RGL1: variants seen among roughly 807,000 people sequenced by gnomAD.
RGL1 encodes the protein ral guanine nucleotide dissociation stimulator-like 1.
In RGL1, 24 loss-of-function variants were observed where a neutral mutation model predicts 95.2. That is an observed-to-expected ratio of 0.25 (90% CI 0.18 to 0.35). The LOEUF is 0.35. RGL1 is among the 10% of genes least tolerant of loss of function. The probability of loss-of-function intolerance (pLI) is 1.00; values close to 1 mark genes in which losing one functional copy is unlikely to be tolerated. For missense variants in RGL1, 715 were observed against 936.3 expected, an observed-to-expected ratio of 0.76 and a Z score of 3.08; for synonymous variants, 329 against 344.9, an observed-to-expected ratio of 0.95 and a Z score of 0.51.
In RGL1 at chr1:183,888,600, T is replaced by C. The variant is rs370656111; in HGVS notation, c.1055+23T>C. On this transcript the variant is annotated intron_variant, in intron 8 of 17. Coordinates refer to ENST00000360851, the MANE Select transcript of RGL1 (RefSeq NM_001297671.3). Reference sequence around the variant, plus strand: ...AAGGTAAGTTCCCAAGTGTTTGCTCTGCTTTTCTTTGGCCGGGATAATTAG... The same window carrying C: ...AAGGTAAGTTCCCAAGTGTTTGCTCCGCTTTTCTTTGGCCGGGATAATTAG... 6 of 1,460,260 alleles carry C rather than the reference T, an allele frequency of 4.1e-6. No homozygotes were observed. The African/African-American group carries it at 4.2e-5, about 10-fold the overall frequency. The allele number at this position is 1,460,260 out of a possible 1,614,324, so 90.5% of individuals were successfully genotyped here.
intron 1 of RGL1, among the ~76,000 whole-genome samples, chr1:183,682,638 A>G (rs1653298254): frequency 6.6e-6 from 1 of 152,210 alleles, no homozygotes; most frequent in African/African-American, 2.4e-5. Context: ...AAGAATGTAT[A>G]TTCTGTTGAT....
At chr1:183,889,314 A>G (rs982941192) in intron 8 of RGL1, among the ~76,000 whole-genome samples, 1 of 152,210 alleles carries the variant, frequency 6.6e-6, no homozygotes, top group Non-Finnish European at 1.5e-5. Context: ...GAGTACAACT[A>G]GGCCAGCTAC....
intron 2 of RGL1, among the ~76,000 whole-genome samples, chr1:183,808,233 T>G (rs1661473130): frequency 6.6e-6 from 1 of 152,232 alleles, no homozygotes; most frequent in Admixed American, 6.5e-5. Context: ...TCACTAGACT[T>G]CACTTCTTTT....
chr1:183,668,238 A>T (rs1652180664), intron 1 of RGL1, among the ~76,000 whole-genome samples: 1 of 152,214 alleles, frequency 6.6e-6, no homozygotes, highest in Admixed American at 6.5e-5. Flanking sequence ...GGTCAGGCTT[A>T]CTGACAACAA....
chr1:183,912,237 C>T lies in RGL1; in HGVS notation c.1718C>T (p.Pro573Leu). ...HSEAEEGSIT[P>L]MDTPDEPQKK... ...GAGGCTGAGGAGGGCTCCATTACTCCCATGGACACCCCTGATGAGCCTCAA... is the reference window on the plus strand; with the variant it reads ...GAGGCTGAGGAGGGCTCCATTACTCTCATGGACACCCCTGATGAGCCTCAA... The change falls in exon 15 of 18, where the codon CCC becomes CTC. Residue 573 changes from proline (P) to leucine (L), a missense_variant. This residue lies in a region of RGL1 where 330 missense variants were observed against 429.6 expected (regional missense o/e 0.77). Coordinates refer to ENST00000360851, the MANE Select transcript of RGL1 (RefSeq NM_001297671.3). 1 of 1,614,026 alleles carries T rather than the reference C, an allele frequency of 6.2e-7. No individual in the cohort carries two copies. The highest frequency in any genetic ancestry group is 8.5e-7 in the Non-Finnish European group (1 of 1,179,976).
chr1:183,848,578 A>C (rs1391350085), intron 3 of RGL1, among the ~76,000 whole-genome samples: 1 of 152,180 alleles, frequency 6.6e-6, no homozygotes, highest in Non-Finnish European at 1.5e-5. Context: ...ATGTTTGTTA[A>C]CTAAATTTTT....
chr1:183,830,431 G>A (rs933635371), intron 2 of RGL1, among the ~76,000 whole-genome samples: 1 of 152,154 alleles, frequency 6.6e-6, no homozygotes, highest in Non-Finnish European at 1.5e-5. Context: ...TTCTTGCAAT[G>A]TATTTATTTA....
At chr1:183,727,611 G>A (rs1024010054) in intron 1 of RGL1, among the ~76,000 whole-genome samples, 1 of 152,012 alleles carries the variant, frequency 6.6e-6, no homozygotes, top group Non-Finnish European at 1.5e-5. Context: ...GCAGTAAGAC[G>A]AGGAAGAAAA....
chr1:183,828,379 G>A (rs1663019891), intron 2 of RGL1, among the ~76,000 whole-genome samples: 2 of 152,160 alleles, frequency 1.3e-5, no homozygotes, highest in Non-Finnish European at 2.9e-5. Flanking sequence ...CTGAGTTTGT[G>A]ATTTATTTAC....
intron 1 of RGL1, among the ~76,000 whole-genome samples, chr1:183,726,873 T>G (rs1656340984): frequency 6.6e-6 from 1 of 152,186 alleles, no homozygotes; most frequent in Non-Finnish European, 1.5e-5. Flanking sequence ...GAGCATGTTC[T>G]GTGAGCACCA....
chr1:183,769,732 G>A (rs970292858), intron 2 of RGL1, among the ~76,000 whole-genome samples: 2 of 152,156 alleles, frequency 1.3e-5, no homozygotes, highest in Non-Finnish European at 2.9e-5. Flanking sequence ...ATCTAATGAA[G>A]GCTGAGACCC....
At chr1:183,757,153 G>A (rs546928243) in intron 2 of RGL1, among the ~76,000 whole-genome samples, 291 of 152,180 alleles carry the variant, frequency 1.9e-3, no homozygotes, top group African/African-American at 5.8e-3. Flanking sequence ...GAACAGAGAT[G>A]TTCTCTACGT....
At chr1:183,746,259 T>C (rs891623262) in intron 2 of RGL1, among the ~76,000 whole-genome samples, 1 of 152,166 alleles carries the variant, frequency 6.6e-6, no homozygotes, top group African/African-American at 2.4e-5. Flanking sequence ...AATCATCCTT[T>C]TGCTTTTTAA....
intron 9 of RGL1, among the ~76,000 whole-genome samples, chr1:183,896,988 G>A (rs565809152): frequency 8.1e-4 from 123 of 152,224 alleles, no homozygotes; most frequent in African/African-American, 2.8e-3. Context: ...GAAAACTTCC[G>A]GTGCAAAAGT....
At chr1:183,719,400 T>A (rs1168214324) in intron 1 of RGL1, among the ~76,000 whole-genome samples, 1 of 152,142 alleles carries the variant, frequency 6.6e-6, no homozygotes, top group Non-Finnish European at 1.5e-5. Flanking sequence ...CACGTGTACC[T>A]CTAGAGTGTA....
At chr1:183,676,783 G>T (rs1301200710) in intron 1 of RGL1, among the ~76,000 whole-genome samples, 1 of 147,194 alleles carries the variant, frequency 6.8e-6, no homozygotes, top group African/African-American at 2.5e-5. Context: ...GTGTAAGCCT[G>T]CAGATAAGCT....
intron 13 of RGL1, among the ~76,000 whole-genome samples, chr1:183,906,478 AATAT>A (rs369809908): frequency 6.7e-6 from 1 of 150,324 alleles, no homozygotes; most frequent in Non-Finnish European, 1.5e-5. Context: ...AAAATAAATA[AATAT>A]ATATATATAT....
intron 2 of RGL1, among the ~76,000 whole-genome samples, chr1:183,823,789 T>C (rs1662659391): frequency 6.6e-6 from 1 of 151,984 alleles, no homozygotes; most frequent in Non-Finnish European, 1.5e-5. Context: ...TTTGATATGA[T>C]TTTTTTTCTT....
intron 2 of RGL1, among the ~76,000 whole-genome samples, chr1:183,760,422 A>G (rs1658592726): frequency 6.6e-6 from 1 of 152,146 alleles, no homozygotes; most frequent in Admixed American, 6.5e-5. Context: ...TTTTACTCAC[A>G]GTAGAACTTC....
Sources: gnomAD v4.1 joint callset for allele counts (sites outside exome capture counted in the v4.1 genomes callset) on GRCh38, gnomAD v4.1.1 for gene constraint, gnomAD v4.1.1 regional missense constraint, MANE v1.5 for transcripts, NCBI Gene and HGNC (gene_info 2026-07-23, HGNC 2026-07-21) for gene names.